FANCB: variants seen among roughly 807,000 people sequenced by gnomAD.
FANCB encodes the protein Fanconi anemia group B protein.
In FANCB, 5 loss-of-function variants were observed where a neutral mutation model predicts 38.9. That is an observed-to-expected ratio of 0.13 (90% confidence interval 0.07 to 0.27). FANCB has a LOEUF of 0.27. Among genes scored for constraint, FANCB ranks in the 10% least tolerant of loss-of-function variants. FANCB has a pLI of 1.00. For missense variants in FANCB, 573 were observed against 602.7 expected (o/e 0.95, Z 0.52); for synonymous variants, 236 against 215.4 (o/e 1.10, Z -0.84).
chrX:14,717,109 T>C, the FANCB span, among the ~76,000 whole-genome samples: 1 of 111,556 alleles, frequency 9.0e-6, no homozygotes, highest in Admixed American at 9.5e-5. Flanking sequence ...CCAAGTCCAG[T>C]GCCTGCCCTA....
chrX:14,740,960 GCA>G, the FANCB span, among the ~76,000 whole-genome samples: 6 of 107,897 alleles, frequency 5.6e-5, no homozygotes, highest in South Asian at 3.9e-4. Flanking sequence ...ACAAACACAT[GCA>G]CACACACACA....
chrX:14,835,542 C>A (rs1012487691), downstream of FANCB, among the ~76,000 whole-genome samples: 12 of 111,959 alleles, frequency 1.1e-4, no homozygotes, highest in African/African-American at 3.6e-4. Context: ...GCCCAACTCT[C>A]AATTTCTGAT....
At chrX:14,866,026 G>A (rs1687314427) in intron 2 of FANCB, among the ~76,000 whole-genome samples, 1 of 111,366 alleles carries the variant, frequency 9.0e-6, no homozygotes, top group Non-Finnish European at 1.9e-5. Context: ...CCCCAAATAC[G>A]TTGATTTTCA....
chrX:14,840,687 T>C (rs1456372699), downstream of FANCB, among the ~76,000 whole-genome samples: 1 of 112,342 alleles, frequency 8.9e-6, no homozygotes, highest in Non-Finnish European at 1.9e-5. Context: ...TTACTGACCA[T>C]AGCACTGCTT....
chrX:14,801,434 G>C, the FANCB span, among the ~76,000 whole-genome samples: 1 of 112,047 alleles, frequency 8.9e-6, no homozygotes, highest in Non-Finnish European at 1.9e-5. Flanking sequence ...TGAAAGGAAG[G>C]CCGCTTAGAC....
chrX:14,747,727 T>C, the FANCB span, among the ~76,000 whole-genome samples: 2 of 112,174 alleles, frequency 1.8e-5, no homozygotes, highest in East Asian at 2.8e-4. Flanking sequence ...TGTTTGTCAA[T>C]AGCCATATTA....
At chrX:14,777,199 T>C in the FANCB span, among the ~76,000 whole-genome samples, 1 of 111,984 alleles carries the variant, frequency 8.9e-6, no homozygotes, top group Non-Finnish European at 1.9e-5. Flanking sequence ...TAAAGGTTTA[T>C]AAACTCAACT....
At chrX:14,800,801 T>C in the FANCB span, among the ~76,000 whole-genome samples, 1 of 112,053 alleles carries the variant, frequency 8.9e-6, no homozygotes, top group South Asian at 3.7e-4. Flanking sequence ...CTTGTCATTT[T>C]GGTCTGTTTG....
intron 6 of FANCB, among the ~76,000 whole-genome samples, chrX:14,852,260 C>A (rs891806272): frequency 5.5e-5 from 6 of 108,534 alleles, no homozygotes; most frequent in Non-Finnish European, 1.1e-4. Context: ...CCTCCGCCTC[C>A]CAGGTTCAAG....
chrX:14,745,695 T>A, the FANCB span, among the ~76,000 whole-genome samples: 1 of 73,489 alleles, frequency 1.4e-5, no homozygotes, highest in African/African-American at 5.1e-5. Flanking sequence ...GAATTTTTTT[T>A]TTTTTTTTTT....
chrX:14,693,043 A>T, the FANCB span, among the ~76,000 whole-genome samples: 24 of 91,351 alleles, frequency 2.6e-4, 1 homozygote, highest in African/African-American at 9.2e-4. Context: ...AAAGTATAAT[A>T]ACAAAAAAAA....
At chrX:14,754,159 CGTACAATA>C in the FANCB span, among the ~76,000 whole-genome samples, 2 of 112,574 alleles carry the variant, frequency 1.8e-5, no homozygotes, top group Admixed American at 9.4e-5. Context: ...ACCATACACA[CGTACAATA>C]GTTCGCCAGC....
At chrX:14,834,088 C>T (rs1199653837), downstream of FANCB, among the ~76,000 whole-genome samples, 4 of 111,839 alleles carry the variant, frequency 3.6e-5, no homozygotes, top group Non-Finnish European at 1.9e-5. Context: ...CCACATGGAT[C>T]AAGATCTTTC....
chrX:14,781,558 C>T, the FANCB span, among the ~76,000 whole-genome samples: 1 of 111,853 alleles, frequency 8.9e-6, no homozygotes, highest in Non-Finnish European at 1.9e-5. Context: ...TGAATACAGT[C>T]CCTTCACTTC....
the FANCB span, among the ~76,000 whole-genome samples, chrX:14,725,013 GGAATCAGTTTTA>G: frequency 2.7e-5 from 3 of 111,508 alleles, no homozygotes; most frequent in African/African-American, 9.8e-5. Flanking sequence ...CAGAGACTTT[GGAATCAGTTTTA>G]GAATCAGACA....
the FANCB span, among the ~76,000 whole-genome samples, chrX:14,816,647 C>T: frequency 8.9e-6 from 1 of 112,136 alleles, no homozygotes; most frequent in Non-Finnish European, 1.9e-5. Flanking sequence ...CCAGATTCCA[C>T]TCCAGTTGTG....
At position 14,859,230 on chromosome X, in the gene FANCB, G is replaced by A; in HGVS notation, c.1056C>T (p.Asp352=). Residue 352 remains aspartate, a synonymous_variant, in exon 4 of 10, where the codon GAC becomes GAT. Coordinates refer to ENST00000650831, the MANE Select transcript of FANCB (RefSeq NM_001018113.3). ...LLLFKDSLNS[D]CLTSFKITDL... Reference sequence around the variant, plus strand: ...CCGTTATTTTAAATGAAGTCAGGCAGTCTGAGTTCAAGGAGTCCTTAAAAA... The same window carrying A: ...CCGTTATTTTAAATGAAGTCAGGCAATCTGAGTTCAAGGAGTCCTTAAAAA... 8.4e-7 allele frequency: 1 copy of A among 1,190,681 alleles called. No individual in the cohort carries two copies. The highest frequency in any genetic ancestry group is 2.3e-4 in the Middle Eastern group (1 of 4,280).
downstream of FANCB, among the ~76,000 whole-genome samples, chrX:14,840,222 T>A (rs897746044): frequency 1.2e-4 from 13 of 111,695 alleles, no homozygotes; most frequent in African/African-American, 4.2e-4. Flanking sequence ...GATTCTGAGG[T>A]ACAACAATAA....
At chrX:14,859,439 A>C in intron 3 of FANCB, 105 bp from the exon 4 acceptor site, 1 of 549,449 alleles carries the variant, frequency 1.8e-6, no homozygotes, top group Non-Finnish European at 3.1e-6. Context: ...TGTAAAACTC[A>C]ATCTTATAAA....
Sources: allele counts gnomAD v4.1 joint callset (sites outside exome capture counted in the v4.1 genomes callset), GRCh38; gene constraint gnomAD v4.1.1; transcripts MANE v1.5; gene names NCBI Gene and HGNC (gene_info 2026-07-23, HGNC 2026-07-21).